Variants in EXOC6B observed in about 807,000 individuals in gnomAD.
The protein encoded by EXOC6B is exocyst complex component 6B, also known as SEC15 homolog B.
In EXOC6B, 54 loss-of-function variants were observed where a neutral mutation model predicts 113.5. The observed-to-expected ratio is 0.48, with a 90% CI of 0.38 to 0.60. EXOC6B has a LOEUF of 0.60. Among genes scored for constraint, EXOC6B ranks in the 20% least tolerant of loss-of-function variants. The probability of loss-of-function intolerance (pLI) is 0.00; values close to 1 mark genes in which losing one functional copy is unlikely to be tolerated. For missense variants in EXOC6B, 797 were observed against 977.5 expected, an observed-to-expected ratio of 0.82 and a Z score of 2.46; for synonymous variants, 357 against 339.0, an observed-to-expected ratio of 1.05 and a Z score of -0.58.
chr2:72,624,103 C>G (rs749642272), intron 6 of EXOC6B, among the ~76,000 whole-genome samples: 25 of 152,070 alleles, frequency 1.6e-4, no homozygotes, highest in Admixed American at 6.5e-5. Flanking sequence ...AAGAGCAACT[C>G]TATATTTTCT....
intron 18 of EXOC6B, among the ~76,000 whole-genome samples, chr2:72,401,582 C>CAT (rs1197072759): frequency 0.055 from 1,014 of 18,324 alleles, 119 homozygotes; most frequent in East Asian, 0.11. Context: ...TATATATATA[C>CAT]ATATATATAT....
intron 6 of EXOC6B, among the ~76,000 whole-genome samples, chr2:72,707,568 C>CA (rs1199983505): frequency 6.6e-6 from 1 of 151,978 alleles, no homozygotes; most frequent in Non-Finnish European, 1.5e-5. Context: ...TGCCAGCCAT[C>CA]ACGCCCAGCT....
chr2:72,340,156 C>T (rs1688940656), intron 19 of EXOC6B, among the ~76,000 whole-genome samples: 1 of 151,892 alleles, frequency 6.6e-6, no homozygotes, highest in Non-Finnish European at 1.5e-5. Context: ...CTGAAGAAAG[C>T]AACATATATA....
At chr2:72,755,827 G>C (rs966575289) in intron 1 of EXOC6B, among the ~76,000 whole-genome samples, 2 of 152,132 alleles carry the variant, frequency 1.3e-5, no homozygotes, top group Non-Finnish European at 2.9e-5. Context: ...CCAACAGAAG[G>C]GGGAGGGTGA....
intron 20 of EXOC6B, among the ~76,000 whole-genome samples, chr2:72,225,980 C>T (rs966011877): frequency 6.6e-6 from 1 of 152,150 alleles, no homozygotes; most frequent in African/African-American, 2.4e-5. Flanking sequence ...AGTACTACAG[C>T]AACAACCGCG....
chr2:72,324,739 GC>G (rs1344784181), intron 20 of EXOC6B, among the ~76,000 whole-genome samples: 1 of 152,088 alleles, frequency 6.6e-6, no homozygotes, highest in Non-Finnish European at 1.5e-5. Flanking sequence ...TCACCATGCT[GC>G]CCTGCCACCC....
intron 20 of EXOC6B, among the ~76,000 whole-genome samples, chr2:72,316,980 AG>A (rs1687550071): frequency 6.6e-6 from 1 of 152,156 alleles, no homozygotes; most frequent in African/African-American, 2.4e-5. Flanking sequence ...TTTGGGATCA[AG>A]GAGGTGTTAA....
intron 20 of EXOC6B, among the ~76,000 whole-genome samples, chr2:72,193,080 T>A (rs983965320): frequency 6.6e-6 from 1 of 152,162 alleles, no homozygotes; most frequent in African/African-American, 2.4e-5. Flanking sequence ...AATTACATCA[T>A]TATAAAGTAT....
At chr2:72,499,376 A>G (rs1700204294) in intron 12 of EXOC6B, among the ~76,000 whole-genome samples, 1 of 151,624 alleles carries the variant, frequency 6.6e-6, no homozygotes, top group African/African-American at 2.4e-5. Context: ...GATTACAGGC[A>G]CTTACCACCA....
chr2:72,739,141 C>G (rs867730852), intron 2 of EXOC6B, among the ~76,000 whole-genome samples: 19 of 152,134 alleles, frequency 1.2e-4, no homozygotes, highest in African/African-American at 3.9e-4. Context: ...ACCACAATTT[C>G]TTTTAGTAAT....
chr2:72,246,017 C>T (rs1269812196), intron 20 of EXOC6B, among the ~76,000 whole-genome samples: 2 of 152,096 alleles, frequency 1.3e-5, no homozygotes, highest in Non-Finnish European at 2.9e-5. Flanking sequence ...CTCAAATGTA[C>T]CAGTCTTTGC....
intron 15 of EXOC6B, 31 bp downstream of exon 15, chr2:72,495,399 T>C: frequency 1.7e-6 from 2 of 1,178,984 alleles, no homozygotes; most frequent in Non-Finnish European, 2.4e-6. Flanking sequence ...AATCTTAGCA[T>C]TGGTTACATT....
chr2:72,694,059 T>C (rs556421696), intron 6 of EXOC6B, among the ~76,000 whole-genome samples: 3 of 152,042 alleles, frequency 2.0e-5, no homozygotes, highest in South Asian at 2.1e-4. Flanking sequence ...TATAAATGCA[T>C]ATTTCTTTCT....
At chr2:72,650,487 G>A (rs1180609354) in intron 6 of EXOC6B, among the ~76,000 whole-genome samples, 1 of 152,138 alleles carries the variant, frequency 6.6e-6, no homozygotes, top group Non-Finnish European at 1.5e-5. Context: ...TATACTCCCA[G>A]CTACTTGGGA....
At chr2:72,285,185 A>G (rs976939691) in intron 20 of EXOC6B, among the ~76,000 whole-genome samples, 4 of 152,156 alleles carry the variant, frequency 2.6e-5, no homozygotes, top group African/African-American at 9.6e-5. Flanking sequence ...AGAAGAACTA[A>G]GTCAGACTTT....
At chr2:72,388,900 A>G (rs1414878038) in intron 18 of EXOC6B, among the ~76,000 whole-genome samples, 1 of 152,148 alleles carries the variant, frequency 6.6e-6, no homozygotes, top group Non-Finnish European at 1.5e-5. Context: ...TTTGCATGGT[A>G]TATCTTATTC....
intron 18 of EXOC6B, among the ~76,000 whole-genome samples, chr2:72,420,200 G>A (rs976447848): frequency 6.6e-6 from 1 of 151,722 alleles, no homozygotes; most frequent in Non-Finnish European, 1.5e-5. Context: ...TCATTTCATT[G>A]ATTTTTTTTC....
chr2:72,554,593 A>G (rs923790135), intron 8 of EXOC6B, among the ~76,000 whole-genome samples: 3 of 152,202 alleles, frequency 2.0e-5, no homozygotes, highest in East Asian at 1.9e-4. Flanking sequence ...CACCACAATT[A>G]TAAGTTTCCT....
At position 72,395,099 on chromosome 2, in the gene EXOC6B, C is replaced by T. The variant is rs1474914726; in HGVS notation, c.1981-15229G>A. Among the ~76,000 whole-genome samples, 6 of 152,202 alleles carry T rather than the reference C, an allele frequency of 3.9e-5. No homozygotes were observed. In the East Asian group the frequency reaches 9.6e-4, roughly 24 times the overall value. ...AGGAAAAATAAAAAAGAAACTTTGT[C>T]TTTCAAACTTTCCAATAAGCCATTT... is the stretch of plus-strand genomic sequence containing the variant. On this transcript the variant is annotated intron_variant, in intron 18 of 21. Transcript: ENST00000272427.
Sources: allele counts gnomAD v4.1 joint callset (sites outside exome capture counted in the v4.1 genomes callset), GRCh38; gene constraint gnomAD v4.1.1; transcripts MANE v1.5; gene names NCBI Gene and HGNC (gene_info 2026-07-23, HGNC 2026-07-21).